SIRPG: variants seen among roughly 807,000 people sequenced by gnomAD.
SIRPG encodes the protein signal regulatory protein gamma.
In SIRPG, 38 loss-of-function variants were observed where a neutral mutation model predicts 35.7. The ratio of observed to expected loss-of-function variants is 1.06; its 90% CI spans 0.82 to 1.40. SIRPG has a LOEUF of 1.40. Ranked by LOEUF, SIRPG falls within the 40% of genes most tolerant of loss-of-function variation. The pLI is 0.00. For synonymous variants in SIRPG, 215 were observed against 190.4 expected (o/e 1.13, Z -1.06); for missense variants, 519 against 483.0 (o/e 1.07, Z -0.70).
chr20:1,672,531 A>C, the SIRPG span, among the ~76,000 whole-genome samples: 1 of 152,202 alleles, frequency 6.6e-6, no homozygotes, highest in Admixed American at 6.5e-5. Context: ...GAGTACTTTA[A>C]GTAACCAATG....
the SIRPG span, among the ~76,000 whole-genome samples, chr20:1,667,829 G>A: frequency 1.3e-5 from 2 of 152,320 alleles, no homozygotes; most frequent in East Asian, 3.9e-4. Flanking sequence ...GACAGGTAAA[G>A]TCAAAATGCA....
intron 1 of SIRPG, among the ~76,000 whole-genome samples, chr20:1,650,179 T>C (rs533600917): frequency 6.6e-6 from 1 of 151,806 alleles, no homozygotes; most frequent in Non-Finnish European, 1.5e-5. Context: ...TACATCTTCC[T>C]ATCACTCTAA....
At chr20:1,683,600 G>A in the SIRPG span, among the ~76,000 whole-genome samples, 5 of 152,230 alleles carry the variant, frequency 3.3e-5, no homozygotes, top group Middle Eastern at 3.4e-3. Context: ...CAACCTGGAG[G>A]ATACTATGCT....
upstream of SIRPG, among the ~76,000 whole-genome samples, chr20:1,659,950 T>G (rs1441634067): frequency 4.6e-5 from 7 of 152,144 alleles, no homozygotes; most frequent in Non-Finnish European, 2.9e-5. Flanking sequence ...GCACTGCAGC[T>G]AACAAATTCA....
chr20:1,679,011 A>G, the SIRPG span, among the ~76,000 whole-genome samples: 22 of 152,296 alleles, frequency 1.4e-4, no homozygotes, highest in East Asian at 2.3e-3. Flanking sequence ...CACAAGGGAG[A>G]AATTAAGATA....
At chr20:1,658,122 G>T (rs1481095823), upstream of SIRPG, among the ~76,000 whole-genome samples, 6 of 152,142 alleles carry the variant, frequency 3.9e-5, no homozygotes, top group African/African-American at 1.4e-4. Context: ...TTGGCTTGTG[G>T]TCTTGTTCTG....
At chr20:1,678,595 G>A in the SIRPG span, among the ~76,000 whole-genome samples, 6 of 151,916 alleles carry the variant, frequency 3.9e-5, no homozygotes, top group African/African-American at 7.3e-5. Context: ...TTATCAAATC[G>A]ATAAAAATAC....
chr20:1,631,385 G>A (rs1197771225), intron 4 of SIRPG, among the ~76,000 whole-genome samples: 1 of 152,084 alleles, frequency 6.6e-6, no homozygotes, highest in Non-Finnish European at 1.5e-5. Context: ...TTGAAAATAG[G>A]AAGGCCACGC....
intron 2 of SIRPG, among the ~76,000 whole-genome samples, chr20:1,644,993 G>A (rs948063523): frequency 3.3e-5 from 5 of 152,174 alleles, no homozygotes; most frequent in Non-Finnish European, 2.9e-5. Flanking sequence ...AGCCATCTTG[G>A]CCCTGTCCTG....
intron 1 of SIRPG, among the ~76,000 whole-genome samples, chr20:1,650,214 C>T (rs11696836): frequency 0.025 from 3,866 of 151,830 alleles, 78 homozygotes; most frequent in Non-Finnish European, 0.037. Context: ...CCTTACATGT[C>T]CTTCTCAAAG....
the SIRPG span, among the ~76,000 whole-genome samples, chr20:1,668,207 C>CTTTTCT: frequency 3.3e-3 from 97 of 29,046 alleles, 1 homozygote; most frequent in African/African-American, 9.3e-3. Context: ...TCTTTTCTTT[C>CTTTTCT]TTTCTTTCTT....
chr20:1,679,256 G>A, the SIRPG span, among the ~76,000 whole-genome samples: 28 of 152,122 alleles, frequency 1.8e-4, no homozygotes, highest in African/African-American at 6.3e-4. Flanking sequence ...ATTGTATGAG[G>A]AAATAAAGAT....
At chr20:1,651,819 T>G (rs1474602242) in intron 1 of SIRPG, among the ~76,000 whole-genome samples, 1 of 152,178 alleles carries the variant, frequency 6.6e-6, no homozygotes, top group Non-Finnish European at 1.5e-5. Flanking sequence ...CTAAAATGTG[T>G]ATCCTATTCC....
At chr20:1,659,109 C>T (rs763319556), upstream of SIRPG, among the ~76,000 whole-genome samples, 1 of 152,026 alleles carries the variant, frequency 6.6e-6, no homozygotes, top group Admixed American at 6.5e-5. Flanking sequence ...TAATTATAAG[C>T]AAAAAAACAT....
At chr20:1,634,235 C>A (rs2091773367) in intron 4 of SIRPG, among the ~76,000 whole-genome samples, 1 of 138,594 alleles carries the variant, frequency 7.2e-6, no homozygotes, top group Admixed American at 7.4e-5. Flanking sequence ...TTGACAGAGT[C>A]TCGCTCTGTC....
chr20:1,676,340 C>T, the SIRPG span, among the ~76,000 whole-genome samples: 14 of 152,266 alleles, frequency 9.2e-5, no homozygotes, highest in East Asian at 2.5e-3. Flanking sequence ...ACAAGGTCAC[C>T]CACTGCAGGG....
chr20:1,630,911 A>T (rs1029175568), intron 4 of SIRPG: 2 of 152,258 alleles, frequency 1.3e-5, no homozygotes, highest in African/African-American at 4.8e-5. Context: ...GCCATGGAAC[A>T]CTGGACATAA....
the SIRPG span, among the ~76,000 whole-genome samples, chr20:1,684,369 CATGT>C: frequency 0.026 from 3,891 of 151,454 alleles, 143 homozygotes; most frequent in African/African-American, 0.087. Flanking sequence ...ATCTTATGTA[CATGT>C]ATGTACACTT....
intron 4 of SIRPG, 24 bp downstream of exon 4, chr20:1,635,243 T>C: frequency 6.4e-7 from 1 of 1,555,762 alleles, no homozygotes; most frequent in Non-Finnish European, 8.7e-7. Context: ...AAAGACAAAA[T>C]TTAAAAATTT....
Sources: allele counts gnomAD v4.1 joint callset (sites outside exome capture counted in the v4.1 genomes callset), GRCh38; gene constraint gnomAD v4.1.1; transcripts MANE v1.5; gene names NCBI Gene and HGNC (gene_info 2026-07-23, HGNC 2026-07-21).